PCDH15: variants seen among roughly 807,000 people sequenced by gnomAD.
PCDH15 encodes the protein protocadherin-15.
In PCDH15, 129 loss-of-function variants were observed where a neutral mutation model predicts 178.5. The observed-to-expected ratio is 0.72, with a 90% confidence interval of 0.63 to 0.84. The LOEUF (loss-of-function observed/expected upper bound fraction) is 0.84. Among genes scored for constraint, PCDH15 ranks in the 40% least tolerant of loss-of-function variants. The pLI is 0.00. For missense variants in PCDH15, 2,230 were observed against 2,099.9 expected, an observed-to-expected ratio of 1.06 and a Z score of -1.21; for synonymous variants, 800 against 732.0, an observed-to-expected ratio of 1.09 and a Z score of -1.50.
At chr10:53,849,323 T>C (rs1012846531) in intron 28 of PCDH15, among the ~76,000 whole-genome samples, 2 of 151,906 alleles carry the variant, frequency 1.3e-5, no homozygotes, top group Non-Finnish European at 2.9e-5. Context: ...ACTAAGAAAG[T>C]TGATTTATTT....
chr10:54,052,001 G>C (rs1461413905), intron 18 of PCDH15, among the ~76,000 whole-genome samples: 1 of 152,200 alleles, frequency 6.6e-6, no homozygotes, highest in Admixed American at 6.5e-5. Context: ...TTGGTCCTGT[G>C]GGTGCACAGA....
intron 2 of PCDH15, among the ~76,000 whole-genome samples, chr10:54,580,012 A>C (rs2090894095): frequency 6.6e-6 from 1 of 152,126 alleles, no homozygotes. Context: ...GTCTACATCA[A>C]GAAGTTAGAA....
At chr10:54,239,872 C>A (rs7920584) in intron 8 of PCDH15, among the ~76,000 whole-genome samples, 114,569 of 152,004 alleles carry the variant, frequency 0.75, 44,477 homozygotes, top group African/African-American at 0.86. Context: ...GATTTCTTAA[C>A]TATTATGTGT....
At chr10:53,920,258 A>G (rs528402484) in intron 25 of PCDH15, among the ~76,000 whole-genome samples, 5 of 152,082 alleles carry the variant, frequency 3.3e-5, no homozygotes, top group African/African-American at 1.2e-4. Flanking sequence ...TATGTTTATA[A>G]TCACCATACA....
At chr10:55,493,256 TAA>T (rs879382986) in intron 2 of PCDH15, among the ~76,000 whole-genome samples, 1 of 141,022 alleles carries the variant, frequency 7.1e-6, no homozygotes. Flanking sequence ...GTCATATTGT[TAA>T]AAAAAAAAAA....
intron 25 of PCDH15, among the ~76,000 whole-genome samples, chr10:53,922,669 G>C (rs1358584956): frequency 6.6e-6 from 1 of 152,014 alleles, no homozygotes; most frequent in Non-Finnish European, 1.5e-5. Flanking sequence ...CTCCTTTACT[G>C]TTTGTCCTTT....
chr10:54,038,977 C>G (rs892854730), intron 18 of PCDH15, among the ~76,000 whole-genome samples: 1 of 151,846 alleles, frequency 6.6e-6, no homozygotes, highest in African/African-American at 2.4e-5. Context: ...ATTTTCCACC[C>G]CTGTGCCCAG....
At chr10:53,834,549 A>G (rs1162574737) in intron 29 of PCDH15, among the ~76,000 whole-genome samples, 1 of 148,002 alleles carries the variant, frequency 6.8e-6, no homozygotes, top group Admixed American at 6.8e-5. Flanking sequence ...ATTTTCATCT[A>G]CAGTGTACTC....
intron 2 of PCDH15, among the ~76,000 whole-genome samples, chr10:54,979,951 T>C (rs960983864): frequency 1.1e-4 from 16 of 152,184 alleles, no homozygotes; most frequent in African/African-American, 3.4e-4. Context: ...GAATGAAATG[T>C]AGATAAATGT....
At chr10:53,905,403 G>A (rs756176846) in intron 25 of PCDH15, among the ~76,000 whole-genome samples, 2 of 152,006 alleles carry the variant, frequency 1.3e-5, no homozygotes, top group African/African-American at 2.4e-5. Flanking sequence ...GCACGATCTC[G>A]GCTCACTGTA....
intron 1 of PCDH15, among the ~76,000 whole-genome samples, chr10:55,293,250 C>A (rs763910085): frequency 6.6e-6 from 1 of 152,190 alleles, no homozygotes; most frequent in Non-Finnish European, 1.5e-5. Flanking sequence ...TGACACAGAG[C>A]ACCAAGTCAC....
intron 2 of PCDH15, among the ~76,000 whole-genome samples, chr10:54,990,837 G>T (rs1839481120): frequency 6.6e-6 from 1 of 152,018 alleles, no homozygotes; most frequent in Non-Finnish European, 1.5e-5. Flanking sequence ...AGAAAGGAAA[G>T]GAAATCCCCT....
intron 6 of PCDH15, among the ~76,000 whole-genome samples, chr10:54,333,327 G>T (rs978553709): frequency 6.6e-6 from 1 of 152,046 alleles, no homozygotes; most frequent in Admixed American, 6.6e-5. Context: ...CTTCTGAAAT[G>T]TTGCATATTG....
At chr10:53,860,434 A>T (rs1198607929) in intron 27 of PCDH15, among the ~76,000 whole-genome samples, 1 of 152,146 alleles carries the variant, frequency 6.6e-6, no homozygotes, top group Non-Finnish European at 1.5e-5. Context: ...TAGGTTACTT[A>T]TTCAAAATAC....
At chr10:55,367,869 C>G (rs916547903) in intron 2 of PCDH15, among the ~76,000 whole-genome samples, 4 of 152,088 alleles carry the variant, frequency 2.6e-5, no homozygotes, top group Non-Finnish European at 4.4e-5. Flanking sequence ...CACATTGGAG[C>G]AATCTGAGCC....
chr10:55,077,464 C>T (rs1262048387), intron 2 of PCDH15, among the ~76,000 whole-genome samples: 4 of 143,190 alleles, frequency 2.8e-5, no homozygotes, highest in African/African-American at 1.1e-4. Context: ...TCCTTCCTTC[C>T]TTTCCTTCCT....
In PCDH15 at chr10:55,468,331, C is replaced by A. The variant is rs1839883442; in HGVS notation, c.-156+159294G>T. 2.0e-5 allele frequency: 3 copies of A among 152,082 alleles called. No individual in the cohort carries two copies. In the South Asian group the frequency reaches 6.2e-4, roughly 31 times the overall value. The allele number at this position is 152,082 out of a possible 1,614,324, so 9.4% of individuals were successfully genotyped here. ...GGAAAGTAGAAAATGGAATTTAGAA[C>A]ACTTTGATTTCTTTTCAATCATAGT... On this transcript the variant is annotated intron_variant, in intron 2 of 5. Coordinates refer to the PCDH15 transcript ENST00000613346.
chr10:54,357,105 C>A (rs9416318), intron 5 of PCDH15, among the ~76,000 whole-genome samples: 5,395 of 152,122 alleles, frequency 0.035, 311 homozygotes, highest in African/African-American at 0.12. Flanking sequence ...GGGCACAAGA[C>A]AGGGATGCCC....
intron 1 of PCDH15, among the ~76,000 whole-genome samples, chr10:54,793,730 ATATATATGT>A: frequency 6.7e-6 from 1 of 148,690 alleles, no homozygotes; most frequent in East Asian, 2.0e-4. Context: ...ACACTTGTGT[ATATATATGT>A]AAAACTGTGC....
Sources: gnomAD v4.1 joint callset for allele counts (sites outside exome capture counted in the v4.1 genomes callset) on GRCh38, gnomAD v4.1.1 for gene constraint, MANE v1.5 for transcripts, NCBI Gene and HGNC (gene_info 2026-07-23, HGNC 2026-07-21) for gene names.